The following ALG14 variants were observed in gnomAD, a reference collection of about 807,000 sequenced individuals.
The protein encoded by ALG14 is UDP-N-acetylglucosamine transferase subunit ALG14.
ALG14 carries 17 observed loss-of-function variants against 22.8 expected under a neutral mutation model. The observed-to-expected ratio is 0.75, with a 90% CI of 0.51 to 1.12. ALG14 has a LOEUF of 1.12. Ranked by LOEUF, ALG14 falls within the 50% of genes most tolerant of loss-of-function variation. The pLI, the probability that ALG14 is intolerant of heterozygous loss-of-function variation, is 0.00. For synonymous variants in ALG14, 89 were observed against 103.7 expected, an observed-to-expected ratio of 0.86 and a Z score of 0.86; for missense variants, 288 against 271.8, an observed-to-expected ratio of 1.06 and a Z score of -0.42.
intron 2 of ALG14, among the ~76,000 whole-genome samples, chr1:95,028,823 C>G (rs1021793768): frequency 2.6e-5 from 4 of 151,942 alleles, no homozygotes; most frequent in African/African-American, 9.7e-5. Context: ...GAAAAAAAAT[C>G]TGGAGCTGGA....
chr1:94,988,785 A>G (rs753072980), intron 3 of ALG14, among the ~76,000 whole-genome samples: 9 of 152,230 alleles, frequency 5.9e-5, no homozygotes, highest in Non-Finnish European at 7.3e-5. Context: ...AGATAAAAAT[A>G]GTGGCATAGA....
chr1:95,022,891 A>G (rs1263077868), intron 3 of ALG14, among the ~76,000 whole-genome samples: 1 of 152,228 alleles, frequency 6.6e-6, no homozygotes, highest in Non-Finnish European at 1.5e-5. Context: ...AATCAAATTA[A>G]CAACAGTTAA....
chr1:95,013,929 T>TAAAAAAAAAAAA (rs66637982), intron 3 of ALG14, among the ~76,000 whole-genome samples: 1 of 145,042 alleles, frequency 6.9e-6, no homozygotes, highest in Non-Finnish European at 1.5e-5. Context: ...ACTTTTTTCT[T>TAAAAAAAAAAAA]AAAAAAAAAA....
At chr1:95,027,026 C>T in intron 3 of ALG14, 103 bp downstream of exon 3, 1 of 1,415,794 alleles carries the variant, frequency 7.1e-7, no homozygotes, top group Non-Finnish European at 9.6e-7. Flanking sequence ...TACTACCTGG[C>T]ACACTAATAA....
In ALG14 at chr1:94,983,253, G is replaced by A. The variant is rs769984980; in HGVS notation, c.474C>T (p.Leu158=). The A allele has an allele frequency of 1.9e-6, 3 of 1,614,156 alleles. No homozygotes were observed. The highest frequency in any genetic ancestry group is 2.5e-6 in the Non-Finnish European group (3 of 1,180,032). ...CTTTCTTTATTCCTAGTATCCCAAG[G>A]AGAAGGGCAGATACACAGATAGGAA... is the stretch of plus-strand genomic sequence containing the variant. ...TCVPICVSAL[L]LGILGIKKVI... is the part of the protein sequence containing the mutation. Residue 158 remains leucine (L), a synonymous_variant, in exon 4 of 4, where the codon CTC becomes CTT. Transcript: ENST00000370205.
rs189920964 is a variant in ALG14, at chr1:94,987,228, T to C, written c.421-3922A>G. ...GCCTGAAGGAAACCAGACCTGTCCC[T>C]AGACTTGCCAGGTAGGTGAGGGAAT... is the stretch of plus-strand genomic sequence containing the variant. On this transcript the variant is annotated intron_variant, in intron 3 of 3. Coordinates refer to ENST00000370205, the MANE Select transcript of ALG14 (RefSeq NM_144988.4). 7.6e-4 allele frequency among the ~76,000 whole-genome samples: 116 copies of C among 152,360 alleles called. 1 individual carries two copies. Among genetic ancestry groups the C allele is most frequent in the Admixed American group, 7.5e-3 (114 of 15,302 alleles).
At chr1:95,072,240 A>G (rs1363390169) in intron 1 of ALG14, among the ~76,000 whole-genome samples, 9 of 152,150 alleles carry the variant, frequency 5.9e-5, no homozygotes, top group Non-Finnish European at 1.2e-4. Flanking sequence ...GAGTTGGTGG[A>G]TTTAGATTGT....
At chr1:95,063,970 G>A (rs918209262) in intron 2 of ALG14, among the ~76,000 whole-genome samples, 1 of 152,182 alleles carries the variant, frequency 6.6e-6, no homozygotes, top group Non-Finnish European at 1.5e-5. Flanking sequence ...GCAGTGGTTT[G>A]TAGCTCTCCT....
At chr1:95,023,210 G>A (rs1673715227) in intron 3 of ALG14, among the ~76,000 whole-genome samples, 1 of 151,906 alleles carries the variant, frequency 6.6e-6, no homozygotes, top group African/African-American at 2.4e-5. Flanking sequence ...TGTAAACTCT[G>A]CCTCCTGGGA....
intron 2 of ALG14, among the ~76,000 whole-genome samples, chr1:95,033,908 T>C (rs1207274111): frequency 6.6e-6 from 1 of 152,194 alleles, no homozygotes; most frequent in East Asian, 1.9e-4. Context: ...AGCAGATCCT[T>C]TCATTCTCCT....
In ALG14 at chr1:95,026,183, C is replaced by T. The variant is rs966099680; in HGVS notation, c.420+946G>A. Among the ~76,000 whole-genome samples, 6 of 152,272 alleles carry T rather than the reference C, an allele frequency of 3.9e-5. No homozygotes were observed. The South Asian group carries it at 1.2e-3, about 32-fold the overall frequency. On this transcript the variant is annotated intron_variant, in intron 3 of 3. Transcript: ENST00000370205. ...TCCTAACCTTGTGATCCGCCTGCCTCGGCCTCCCAAAGGGCTGGGATTACA... is the reference window on the plus strand; with the variant it reads ...TCCTAACCTTGTGATCCGCCTGCCTTGGCCTCCCAAAGGGCTGGGATTACA...
At chr1:95,004,800 C>G (rs576630528) in intron 3 of ALG14, among the ~76,000 whole-genome samples, 176 of 146,610 alleles carry the variant, frequency 1.2e-3, no homozygotes, top group African/African-American at 4.7e-3. Flanking sequence ...TGCCCCCGCC[C>G]CCGCCTTTTT....
At chr1:95,037,226 G>C (rs567063538) in intron 2 of ALG14, among the ~76,000 whole-genome samples, 1 of 152,246 alleles carries the variant, frequency 6.6e-6, no homozygotes, top group African/African-American at 2.4e-5. Flanking sequence ...CAGCCGGACG[G>C]TTTGGTGGTA....
At chr1:95,056,942 A>T (rs1674955984) in intron 2 of ALG14, among the ~76,000 whole-genome samples, 1 of 150,982 alleles carries the variant, frequency 6.6e-6, no homozygotes, top group African/African-American at 2.4e-5. Context: ...CTGTAGTCCC[A>T]GCTACTAGGA....
At position 94,986,999 on chromosome 1, in the gene ALG14, C is replaced by T. The variant is rs547677408; in HGVS notation, c.421-3693G>A. ...TCCAGTCAGAAACCACAAGACTTAG[C>T]AGAACACTTGCTGGAGCTGCTGAGA... On this transcript the variant is annotated intron_variant, in intron 3 of 3. Transcript: ENST00000370205. Among the ~76,000 whole-genome samples the T allele has an allele frequency of 8.5e-5, 13 of 152,258 alleles. No individual in the cohort carries two copies. In the East Asian group the frequency reaches 2.3e-3, roughly 27 times the overall value.
chr1:94,983,274 A>T lies in ALG14; in HGVS notation c.453T>A (p.Pro151=). The change falls in exon 4 of 4, where the codon CCT becomes CCA. Residue 151 remains proline, a synonymous_variant. Coordinates refer to ENST00000370205, the MANE Select transcript of ALG14 (RefSeq NM_144988.4). ...VLCNGPGTCV[P]ICVSALLLGI... is the part of the protein sequence containing the mutation. Reference sequence around the variant, plus strand: ...CAAGGAGAAGGGCAGATACACAGATAGGAACACATGTTCCTGGTCCGTTAC... The same window carrying T: ...CAAGGAGAAGGGCAGATACACAGATTGGAACACATGTTCCTGGTCCGTTAC... 3 of 1,614,200 alleles carry T rather than the reference A, an allele frequency of 1.9e-6. No homozygotes were observed. Among genetic ancestry groups the T allele is most frequent in the Non-Finnish European group, 2.5e-6 (3 of 1,180,028 alleles).
chr1:95,023,344 G>A lies in ALG14; in HGVS notation c.420+3785C>T, dbSNP rs184998004. 2.6e-3 allele frequency among the ~76,000 whole-genome samples: 395 copies of A among 152,188 alleles called. 8 individuals carry two copies. Among genetic ancestry groups the A allele is most frequent in the Middle Eastern group, 6.8e-3 (2 of 294 alleles). ...TCACCATGTTGGCCAGCCTGGTCTC[G>A]AACTCCTGACTTCAAGTGATCCGCC... On this transcript the variant is annotated intron_variant, in intron 3 of 3. Coordinates refer to ENST00000370205, the MANE Select transcript of ALG14 (RefSeq NM_144988.4).
At chr1:95,042,189 C>A (rs1449196668) in intron 2 of ALG14, among the ~76,000 whole-genome samples, 1 of 151,872 alleles carries the variant, frequency 6.6e-6, no homozygotes, top group Non-Finnish European at 1.5e-5. Context: ...AAAAATCAAC[C>A]AATATCTCCC....
In ALG14 at chr1:95,001,971, G is replaced by A. The variant is rs17112864; in HGVS notation, c.421-18665C>T. 3.2e-3 allele frequency among the ~76,000 whole-genome samples: 483 copies of A among 152,332 alleles called. 1 individual carries two copies. Among genetic ancestry groups the A allele is most frequent in the African/African-American group, 0.011 (466 of 41,570 alleles). On this transcript the variant is annotated intron_variant, in intron 3 of 3. Coordinates refer to ENST00000370205, the MANE Select transcript of ALG14 (RefSeq NM_144988.4). The stretch of plus-strand genomic sequence containing the variant: ...AACTATAGAGTAGAGACCTGAATCT[G>A]TGTCTGACAGAAAGGCATGATTTTC...
Sources: allele counts gnomAD v4.1 joint callset (sites outside exome capture counted in the v4.1 genomes callset), GRCh38; gene constraint gnomAD v4.1.1; transcripts MANE v1.5; gene names NCBI Gene and HGNC (gene_info 2026-07-23, HGNC 2026-07-21).